Variants in ZRANB3 observed in about 807,000 individuals in gnomAD.
The protein encoded by ZRANB3 is zinc finger RANBP2-type containing 3.
In ZRANB3, 125 loss-of-function variants were observed where a neutral mutation model predicts 133.8. The ratio of observed to expected loss-of-function variants is 0.93; its 90% CI spans 0.81 to 1.08. ZRANB3 has a LOEUF of 1.08. Among genes scored for constraint, ZRANB3 ranks in the 50% least tolerant of loss-of-function variants. The pLI is 0.00. For missense variants in ZRANB3, 1,229 were observed against 1,275.5 expected, an observed-to-expected ratio of 0.96 and a Z score of 0.56; for synonymous variants, 387 against 432.7, an observed-to-expected ratio of 0.89 and a Z score of 1.31.
At chr2:135,385,622 A>C (rs1325692324) in intron 3 of ZRANB3, among the ~76,000 whole-genome samples, 4 of 152,180 alleles carry the variant, frequency 2.6e-5, no homozygotes, top group African/African-American at 9.6e-5. Context: ...ACAGCATGGT[A>C]GTGGTACCAA....
At chr2:135,394,014 T>C (rs1002922605) in intron 2 of ZRANB3, among the ~76,000 whole-genome samples, 2 of 151,484 alleles carry the variant, frequency 1.3e-5, no homozygotes, top group Admixed American at 6.6e-5. Flanking sequence ...CCCGCCACCA[T>C]GCCCAGCTAA....
At chr2:135,279,612 G>C (rs374633405) in intron 8 of ZRANB3, among the ~76,000 whole-genome samples, 1 of 151,932 alleles carries the variant, frequency 6.6e-6, no homozygotes, top group Non-Finnish European at 1.5e-5. Flanking sequence ...CTCTAGTCTC[G>C]GATGGATTCC....
intron 1 of ZRANB3, among the ~76,000 whole-genome samples, chr2:135,528,648 TA>T (rs576879098): frequency 3.9e-4 from 56 of 143,650 alleles, no homozygotes; most frequent in Non-Finnish European, 5.2e-4. Flanking sequence ...CACAAACAAA[TA>T]AAAAAAAAAA....
At chr2:135,523,260 T>C (rs932848640) in intron 1 of ZRANB3, among the ~76,000 whole-genome samples, 1 of 152,174 alleles carries the variant, frequency 6.6e-6, no homozygotes, top group African/African-American at 2.4e-5. Flanking sequence ...CTCAAGTCTA[T>C]CCTTTTCCCC....
chr2:135,299,094 C>T (rs540500743), intron 8 of ZRANB3, among the ~76,000 whole-genome samples: 1 of 152,158 alleles, frequency 6.6e-6, no homozygotes, highest in Admixed American at 6.5e-5. Flanking sequence ...CTTTTGTCTT[C>T]TCTTACCAGG....
At chr2:135,507,991 TAACAA>T in intron 1 of ZRANB3, among the ~76,000 whole-genome samples, 1 of 146,180 alleles carries the variant, frequency 6.8e-6, no homozygotes, top group Non-Finnish European at 1.5e-5. Context: ...AGAGAGAGAA[TAACAA>T]AACAAAACGA....
chr2:135,454,046 T>C (rs142261539), intron 2 of ZRANB3, among the ~76,000 whole-genome samples: 6 of 152,170 alleles, frequency 3.9e-5, no homozygotes, highest in Non-Finnish European at 7.4e-5. Flanking sequence ...TCTTACATGG[T>C]GGCAGCAAAA....
At chr2:135,330,766 G>A (rs905293652) in intron 6 of ZRANB3, among the ~76,000 whole-genome samples, 2 of 151,976 alleles carry the variant, frequency 1.3e-5, no homozygotes, top group African/African-American at 4.8e-5. Flanking sequence ...CTTCTTCCTG[G>A]TTTAGTCTTG....
At chr2:135,353,245 T>C (rs1685286599) in intron 4 of ZRANB3, 2 of 302,346 alleles carry the variant, frequency 6.6e-6, no homozygotes, top group East Asian at 5.9e-5. Context: ...TTTAAAAATA[T>C]ACCATAAAGG....
chr2:135,207,287 T>TAA (rs1313871427), intron 19 of ZRANB3, 147 bp downstream of exon 19: 2 of 882,184 alleles, frequency 2.3e-6, no homozygotes, highest in Non-Finnish European at 3.2e-6. Flanking sequence ...TGTAAACTGT[T>TAA]AAAGCTGGCT....
At chr2:135,405,430 G>C (rs974337250) in intron 2 of ZRANB3, among the ~76,000 whole-genome samples, 2 of 152,124 alleles carry the variant, frequency 1.3e-5, no homozygotes, top group Non-Finnish European at 2.9e-5. Context: ...AAGTTAACAA[G>C]CATATCCAGG....
intron 17 of ZRANB3, among the ~76,000 whole-genome samples, chr2:135,214,084 A>G (rs1269790990): frequency 6.6e-6 from 1 of 152,222 alleles, no homozygotes; most frequent in East Asian, 1.9e-4. Context: ...AAGCTTATCA[A>G]CTAGAGCCCA....
At chr2:135,471,416 A>T (rs553852263) in intron 2 of ZRANB3, among the ~76,000 whole-genome samples, 1 of 152,324 alleles carries the variant, frequency 6.6e-6, no homozygotes, top group African/African-American at 2.4e-5. Context: ...AGTATTTTAT[A>T]AAATGTGCAA....
chr2:135,305,878 T>C (rs151037812), intron 8 of ZRANB3, among the ~76,000 whole-genome samples: 3,750 of 152,270 alleles, frequency 0.025, 76 homozygotes, highest in Middle Eastern at 0.038. Flanking sequence ...AAGCTTTTTT[T>C]TTCTTCCTTT....
At chr2:135,318,212 T>TTGTG (rs58455313) in intron 6 of ZRANB3, among the ~76,000 whole-genome samples, 6,091 of 136,892 alleles carry the variant, frequency 0.044, 162 homozygotes, top group Middle Eastern at 0.15. Context: ...ACACACTATT[T>TTGTG]TGTGTGTGTG....
At chr2:135,384,407 C>T (rs1433919358) in intron 3 of ZRANB3, among the ~76,000 whole-genome samples, 1 of 152,058 alleles carries the variant, frequency 6.6e-6, no homozygotes, top group Non-Finnish European at 1.5e-5. Flanking sequence ...CCGAATTCTA[C>T]CAGAGGTACA....
chr2:135,296,486 T>A (rs977976655), intron 8 of ZRANB3, among the ~76,000 whole-genome samples: 6 of 152,200 alleles, frequency 3.9e-5, no homozygotes, highest in African/African-American at 1.4e-4. Flanking sequence ...CGTCTAATTT[T>A]TTTTTTCAAG....
intron 2 of ZRANB3, among the ~76,000 whole-genome samples, chr2:135,480,185 G>A (rs1691711318): frequency 6.6e-6 from 1 of 151,200 alleles, no homozygotes; most frequent in Non-Finnish European, 1.5e-5. Context: ...CCTGTGACCT[G>A]CCCGCCTCAG....
chr2:135,352,521 G>A (rs992975944), intron 4 of ZRANB3, among the ~76,000 whole-genome samples: 1 of 151,944 alleles, frequency 6.6e-6, no homozygotes, highest in African/African-American at 2.4e-5. Context: ...TTTTAACCAT[G>A]TAAATAGAGT....
Sources: gnomAD v4.1 joint callset for allele counts (sites outside exome capture counted in the v4.1 genomes callset) on GRCh38, gnomAD v4.1.1 for gene constraint, MANE v1.5 for transcripts, NCBI Gene and HGNC (gene_info 2026-07-23, HGNC 2026-07-21) for gene names.